Variants in LRRC36 observed in about 807,000 individuals in gnomAD.
LRRC36 encodes leucine-rich repeat-containing protein 36.
LRRC36 carries 62 observed loss-of-function variants against 81.1 expected under a neutral mutation model. That is an observed-to-expected ratio of 0.76 (90% confidence interval 0.62 to 0.94). LRRC36 has a LOEUF of 0.94. LRRC36 is among the 40% of genes least tolerant of loss of function. The pLI, the probability that LRRC36 is intolerant of heterozygous loss-of-function variation, is 0.00. For synonymous variants in LRRC36, 334 were observed against 348.6 expected, an observed-to-expected ratio of 0.96 and a Z score of 0.47; for missense variants, 761 against 881.7, an observed-to-expected ratio of 0.86 and a Z score of 1.73.
chr16:67,357,403 A>G (rs1022639456), intron 5 of LRRC36, among the ~76,000 whole-genome samples: 2 of 152,214 alleles, frequency 1.3e-5, no homozygotes. Flanking sequence ...GGTAATTAGC[A>G]ATGGAAAAGA....
intron 2 of LRRC36, among the ~76,000 whole-genome samples, chr16:67,345,663 C>T (rs2038310099): frequency 6.6e-6 from 1 of 152,106 alleles, no homozygotes; most frequent in Admixed American, 6.6e-5. Context: ...TAGACTGGTC[C>T]AGGAGTGAGG....
chr16:67,341,121 ATG>A (rs1228820735), intron 1 of LRRC36, among the ~76,000 whole-genome samples: 17 of 115,096 alleles, frequency 1.5e-4, no homozygotes, highest in African/African-American at 4.9e-4. Flanking sequence ...TCTATAGAAT[ATG>A]TACTCTACAT....
intron 5 of LRRC36, 83 bp from the exon 6 acceptor site, chr16:67,363,507 C>G: frequency 7.0e-7 from 1 of 1,426,706 alleles, no homozygotes; most frequent in South Asian, 1.3e-5. Context: ...TGTGACTTTC[C>G]TTTTAGTATC....
chr16:67,373,413 A>T (rs1367409216), intron 9 of LRRC36, among the ~76,000 whole-genome samples: 1 of 151,596 alleles, frequency 6.6e-6, no homozygotes, highest in East Asian at 1.9e-4. Context: ...TTTTTTTTTT[A>T]AAGCCGGGCA....
At chr16:67,333,446 T>C (rs1313332835) in intron 1 of LRRC36, among the ~76,000 whole-genome samples, 2 of 152,120 alleles carry the variant, frequency 1.3e-5, no homozygotes, top group Non-Finnish European at 2.9e-5. Context: ...TTAAAAAATA[T>C]ACAATTCAGG....
chr16:67,339,471 G>T (rs2142614944), intron 1 of LRRC36, among the ~76,000 whole-genome samples: 1 of 152,150 alleles, frequency 6.6e-6, no homozygotes, highest in South Asian at 2.1e-4. Flanking sequence ...TATCTTTCTG[G>T]AGTGCTTTTA....
At chr16:67,349,109 T>C (rs2038494692) in intron 4 of LRRC36, among the ~76,000 whole-genome samples, 1 of 152,202 alleles carries the variant, frequency 6.6e-6, no homozygotes, top group Non-Finnish European at 1.5e-5. Context: ...CTATTTTAAA[T>C]GCAATGGGTA....
chr16:67,384,177 C>A (rs928795155), intron 13 of LRRC36, among the ~76,000 whole-genome samples: 1 of 152,116 alleles, frequency 6.6e-6, no homozygotes, highest in African/African-American at 2.4e-5. Context: ...TGGCTCGAGC[C>A]TGTAATCCAC....
At position 67,358,130 on chromosome 16, in the gene LRRC36, C is replaced by A. The variant is rs1323680051; in HGVS notation, c.578-5460C>A. ...TCATTTTCTTGATTGTTGTATATGA[C>A]GTACTTAGTCATAATAGTGGCAGAG... On this transcript the variant is annotated intron_variant, in intron 5 of 13. Coordinates refer to ENST00000329956, the MANE Select transcript of LRRC36 (RefSeq NM_018296.6). Among the ~76,000 whole-genome samples, 8 of 146,498 alleles carry A rather than the reference C, an allele frequency of 5.5e-5. No individual in the cohort carries two copies. The Admixed American group carries it at 5.5e-4, about 10-fold the overall frequency.
At chr16:67,366,525 G>A (rs976001668) in intron 7 of LRRC36, among the ~76,000 whole-genome samples, 4 of 152,054 alleles carry the variant, frequency 2.6e-5, no homozygotes, top group African/African-American at 9.7e-5. Context: ...CGAGGCGGGT[G>A]GATCACTTGA....
chr16:67,351,388 A>T (rs976464301), intron 5 of LRRC36, among the ~76,000 whole-genome samples: 5 of 152,186 alleles, frequency 3.3e-5, no homozygotes, highest in South Asian at 2.1e-4. Flanking sequence ...TTATTGACAA[A>T]TGATTTTTAG....
At chr16:67,342,960 A>G (rs533990550) in intron 2 of LRRC36, among the ~76,000 whole-genome samples, 22 of 152,344 alleles carry the variant, frequency 1.4e-4, no homozygotes, top group African/African-American at 5.0e-4. Flanking sequence ...CCCTAAGATC[A>G]AATTTCCATC....
chr16:67,335,369 T>C (rs2037708015), intron 1 of LRRC36, among the ~76,000 whole-genome samples: 1 of 152,220 alleles, frequency 6.6e-6, no homozygotes, highest in South Asian at 2.1e-4. Flanking sequence ...TATGGCTCTG[T>C]TCCACCTGGC....
intron 1 of LRRC36, among the ~76,000 whole-genome samples, chr16:67,332,615 G>A (rs1275789608): frequency 6.6e-6 from 1 of 152,122 alleles, no homozygotes; most frequent in Non-Finnish European, 1.5e-5. Context: ...CTTAAGACAT[G>A]CATTCATGTG....
intron 3 of LRRC36, 25 bp from the exon 4 acceptor site, chr16:67,347,470 C>T (rs1253306556): frequency 1.2e-6 from 2 of 1,611,882 alleles, no homozygotes; most frequent in African/African-American, 2.7e-5. Context: ...AAGAAACATG[C>T]TCAGACCACG....
intron 5 of LRRC36, among the ~76,000 whole-genome samples, chr16:67,352,009 G>A (rs541977538): frequency 1.3e-5 from 2 of 152,142 alleles, no homozygotes; most frequent in African/African-American, 4.8e-5. Context: ...TCCAGACAGA[G>A]AAAAATACAT....
intron 1 of LRRC36, among the ~76,000 whole-genome samples, chr16:67,328,201 C>G (rs964471780): frequency 1.3e-5 from 2 of 151,978 alleles, no homozygotes; most frequent in African/African-American, 4.8e-5. Context: ...TTAATTTATT[C>G]TGTGGGTAAT....
chr16:67,339,697 C>A (rs1323553925), intron 1 of LRRC36, among the ~76,000 whole-genome samples: 1 of 152,122 alleles, frequency 6.6e-6, no homozygotes, highest in African/African-American at 2.4e-5. Flanking sequence ...TTCCTGAGAT[C>A]CGTCCATTCT....
At chr16:67,340,976 A>T (rs2038020250) in intron 1 of LRRC36, among the ~76,000 whole-genome samples, 1 of 141,606 alleles carries the variant, frequency 7.1e-6, no homozygotes, top group South Asian at 2.2e-4. Context: ...ATTCTATAGA[A>T]TATAGAATAT....
Sources: allele counts gnomAD v4.1 joint callset (sites outside exome capture counted in the v4.1 genomes callset), GRCh38; gene constraint gnomAD v4.1.1; transcripts MANE v1.5; gene names NCBI Gene and HGNC (gene_info 2026-07-23, HGNC 2026-07-21).